Variants in PBX1 observed in about 807,000 individuals in gnomAD.
The protein encoded by PBX1 is PBX homeobox 1, also known as pre-B-cell leukemia transcription factor 1.
A neutral mutation model predicts 53.4 loss-of-function variants in PBX1; 6 were observed. The observed-to-expected ratio is 0.11, with a 90% CI of 0.06 to 0.22. PBX1 has a LOEUF of 0.22. Ranked by LOEUF, PBX1 falls within the 10% of genes least tolerant of loss-of-function variation. The probability of loss-of-function intolerance (pLI) is 1.00; values close to 1 mark genes in which losing one functional copy is unlikely to be tolerated. For synonymous variants in PBX1, 204 were observed against 212.3 expected, an observed-to-expected ratio of 0.96 and a Z score of 0.34; for missense variants, 251 against 551.4, an observed-to-expected ratio of 0.46 and a Z score of 5.46.
intron 2 of PBX1, among the ~76,000 whole-genome samples, chr1:164,744,979 G>A (rs1665818102): frequency 6.6e-6 from 1 of 152,100 alleles, no homozygotes; most frequent in African/African-American, 2.4e-5. Flanking sequence ...AAACTTACAA[G>A]GTAATGTTTT....
At chr1:164,699,800 A>T (rs1438866517) in intron 2 of PBX1, among the ~76,000 whole-genome samples, 1 of 152,112 alleles carries the variant, frequency 6.6e-6, no homozygotes, top group African/African-American at 2.4e-5. Context: ...AGAATAATAT[A>T]AAAAAGCCCA....
chr1:164,668,406 CT>C (rs1660929791), intron 2 of PBX1, among the ~76,000 whole-genome samples: 1 of 152,164 alleles, frequency 6.6e-6, no homozygotes, highest in Non-Finnish European at 1.5e-5. Context: ...TACAAATTCT[CT>C]CACCTCTCAC....
chr1:164,596,474 G>C (rs1454373253), intron 2 of PBX1, among the ~76,000 whole-genome samples: 1 of 152,204 alleles, frequency 6.6e-6, no homozygotes, highest in African/African-American at 2.4e-5. Flanking sequence ...TTTGCCCCCA[G>C]GGGCCATTTG....
Position 164,559,543 on chromosome 1 carries a change from C to T in PBX1, c.-280C>T, listed in dbSNP as rs1652859196. ...CCAAGTGGGAAGGTGGTTTATTTTT[C>T]TTGCTTTTTGGAGTCAACACCCTTC... On this transcript the variant is annotated 5_prime_UTR_variant, in exon 1 of 9. Transcript: ENST00000420696. 2.7e-6 allele frequency: 1 copy of T among 368,268 alleles called. No homozygotes were observed. Among genetic ancestry groups the T allele is most frequent in the Non-Finnish European group, 4.8e-6 (1 of 207,544 alleles). 22.8% of individuals were successfully genotyped at this position (368,268 alleles called of 1,614,324 possible). A position where few individuals can be genotyped will look rare whatever the true frequency, so the allele number is the denominator to read the frequency against.
At chr1:164,638,041 T>C (rs1658890967) in intron 2 of PBX1, among the ~76,000 whole-genome samples, 1 of 152,208 alleles carries the variant, frequency 6.6e-6, no homozygotes, top group Non-Finnish European at 1.5e-5. Context: ...GGTCTATTAA[T>C]GTTTATACGT....
downstream of PBX1, among the ~76,000 whole-genome samples, chr1:164,853,498 T>C (rs1445766264): frequency 1.3e-5 from 2 of 152,132 alleles, no homozygotes; most frequent in Non-Finnish European, 2.9e-5. Flanking sequence ...ACAAAGAAGA[T>C]CAAGAGAGGG....
chr1:164,726,487 C>A (rs957642518), intron 2 of PBX1, among the ~76,000 whole-genome samples: 1 of 152,162 alleles, frequency 6.6e-6, no homozygotes, highest in Non-Finnish European at 1.5e-5. Flanking sequence ...ATGGCTGGAA[C>A]CAATGAATTA....
rs553180672 is a variant in PBX1, at chr1:164,700,109, G to T, written c.266-92385G>T. 2.0e-5 allele frequency among the ~76,000 whole-genome samples: 3 copies of T among 152,302 alleles called. No individual in the cohort carries two copies. The East Asian group carries it at 5.8e-4, about 29-fold the overall frequency. On this transcript the variant is annotated intron_variant, in intron 2 of 8. Transcript: ENST00000420696. ...GCCGGAACAGAGATGCTTATTACAG[G>T]GTGTGCTTAACCCTTGGCATGCTGA...
intron 2 of PBX1, among the ~76,000 whole-genome samples, chr1:164,613,954 A>G (rs1007968741): frequency 2.0e-5 from 3 of 151,944 alleles, no homozygotes; most frequent in Non-Finnish European, 4.4e-5. Context: ...TCTGGCATGT[A>G]CTTATTGCTT....
At chr1:164,615,186 C>G (rs75725295) in intron 2 of PBX1, among the ~76,000 whole-genome samples, 1 of 152,168 alleles carries the variant, frequency 6.6e-6, no homozygotes, top group Admixed American at 6.5e-5. Context: ...GACACAATTT[C>G]TCCATATAGT....
At chr1:164,874,428 T>C (rs1343654599) in intron 2 of PBX1, among the ~76,000 whole-genome samples, 1 of 152,236 alleles carries the variant, frequency 6.6e-6, no homozygotes, top group Non-Finnish European at 1.5e-5. Context: ...TTCTATAATA[T>C]TAAGTATAGA....
chr1:164,714,441 G>T (rs1217126449), intron 2 of PBX1, among the ~76,000 whole-genome samples: 2 of 152,210 alleles, frequency 1.3e-5, no homozygotes, highest in Admixed American at 6.5e-5. Flanking sequence ...TTATTACCCT[G>T]TGTTATAGAT....
chr1:164,868,487 A>G (rs1672272497), intron 2 of PBX1, among the ~76,000 whole-genome samples: 1 of 152,200 alleles, frequency 6.6e-6, no homozygotes, highest in Admixed American at 6.5e-5. Context: ...AGAGAGAGAA[A>G]GGCCTCCCAT....
chr1:164,696,963 A>G (rs1264784439), intron 2 of PBX1, among the ~76,000 whole-genome samples: 1 of 152,166 alleles, frequency 6.6e-6, no homozygotes, highest in Non-Finnish European at 1.5e-5. Flanking sequence ...TTTGTGTTCT[A>G]TATCCTTTGT....
At chr1:164,762,391 A>G (rs1208736785) in intron 2 of PBX1, among the ~76,000 whole-genome samples, 1 of 152,216 alleles carries the variant, frequency 6.6e-6, no homozygotes, top group East Asian at 1.9e-4. Flanking sequence ...TGTTTTTCCT[A>G]CTATGTTAAA....
chr1:164,736,216 T>C (rs1665262173), intron 2 of PBX1, among the ~76,000 whole-genome samples: 1 of 152,198 alleles, frequency 6.6e-6, no homozygotes, highest in Admixed American at 6.5e-5. Context: ...ATTGCCCTGC[T>C]TAAGCCTCAA....
intron 6 of PBX1, chr1:164,814,267 T>G (rs1558023761): frequency 6.6e-6 from 1 of 152,218 alleles, no homozygotes; most frequent in East Asian, 1.9e-4. Flanking sequence ...TTCAATAATT[T>G]GGAAAGATAA....
intron 2 of PBX1, among the ~76,000 whole-genome samples, chr1:164,714,052 T>C (rs994516360): frequency 2.0e-5 from 3 of 152,226 alleles, no homozygotes; most frequent in African/African-American, 7.2e-5. Context: ...GGGTTCCAAA[T>C]GTTGTGAAAT....
rs1347492147 is a variant in PBX1 at position 164,848,369 on chromosome 1, A to G, written c.*1693A>G. On this transcript the variant is annotated 3_prime_UTR_variant, in exon 9 of 9. Coordinates refer to ENST00000420696, the MANE Select transcript of PBX1 (RefSeq NM_002585.4). ...TCATTTTCTTCATCTGTGAGATGGGAACTGTTATGCCTGGCTTACTAAGAG... is the reference window on the plus strand; with the variant it reads ...TCATTTTCTTCATCTGTGAGATGGGGACTGTTATGCCTGGCTTACTAAGAG... 2 of 1,056,588 alleles carry G rather than the reference A, an allele frequency of 1.9e-6. No individual in the cohort carries two copies. Among genetic ancestry groups the G allele is most frequent in the Non-Finnish European group, 2.3e-6 (2 of 873,836 alleles). The allele number at this position is 1,056,588 out of a possible 1,614,324, so 65.5% of individuals were successfully genotyped here.
Sources: gnomAD v4.1 joint callset for allele counts (sites outside exome capture counted in the v4.1 genomes callset) on GRCh38, gnomAD v4.1.1 for gene constraint, MANE v1.5 for transcripts, NCBI Gene and HGNC (gene_info 2026-07-23, HGNC 2026-07-21) for gene names.